HIPK3: variants seen among roughly 807,000 people sequenced by gnomAD.
The protein encoded by HIPK3 is homeodomain-interacting protein kinase 3.
In HIPK3, 47 loss-of-function variants were observed where a neutral mutation model predicts 124.2. The observed-to-expected ratio is 0.38, with a 90% CI of 0.30 to 0.48. The LOEUF (loss-of-function observed/expected upper bound fraction) is 0.48. Ranked by LOEUF, HIPK3 falls within the 20% of genes least tolerant of loss-of-function variation. The pLI is 0.98. For missense variants in HIPK3, 1,286 were observed against 1,454.3 expected, an observed-to-expected ratio of 0.88 and a Z score of 1.88; for synonymous variants, 482 against 515.2, an observed-to-expected ratio of 0.94 and a Z score of 0.87.
At chr11:33,289,554 A>C (rs1035821010) in intron 2 of HIPK3, among the ~76,000 whole-genome samples, 1 of 152,120 alleles carries the variant, frequency 6.6e-6, no homozygotes, top group Non-Finnish European at 1.5e-5. Context: ...AGGTATATAT[A>C]TTTATGAGGT....
chr11:33,310,281 T>TTATCTATCTAACTATCTATC (rs1852292080), intron 2 of HIPK3, among the ~76,000 whole-genome samples: 1 of 121,074 alleles, frequency 8.3e-6, no homozygotes, highest in Non-Finnish European at 1.8e-5. Context: ...TCTGTCTATC[T>TTATCTATCTAACTATCTATC]TATCTATCTA....
chr11:33,347,165 G>A (rs1331816334), intron 8 of HIPK3, 128 bp from the exon 9 acceptor site: 11 of 779,186 alleles, frequency 1.4e-5, no homozygotes. Flanking sequence ...GGGCAACAGA[G>A]CGAGGCCCTG....
intron 1 of HIPK3, among the ~76,000 whole-genome samples, chr11:33,267,356 G>A (rs1590338650): frequency 6.6e-6 from 1 of 151,990 alleles, no homozygotes; most frequent in Non-Finnish European, 1.5e-5. Flanking sequence ...CAGGTGATCC[G>A]CCCACCTTTG....
intron 14 of HIPK3, among the ~76,000 whole-genome samples, chr11:33,351,399 C>G (rs1853653013): frequency 6.6e-6 from 1 of 151,288 alleles, no homozygotes; most frequent in Non-Finnish European, 1.5e-5. Context: ...TGAAATGGAA[C>G]AGAATTAGGT....
intron 1 of HIPK3, among the ~76,000 whole-genome samples, chr11:33,275,205 A>G (rs1851239893): frequency 6.6e-6 from 1 of 152,000 alleles, no homozygotes; most frequent in South Asian, 2.1e-4. Context: ...ATGCCTAGCT[A>G]ATTTTTGTAT....
chr11:33,267,458 C>G (rs183410586), intron 1 of HIPK3, among the ~76,000 whole-genome samples: 1 of 150,504 alleles, frequency 6.6e-6, no homozygotes, highest in Admixed American at 6.7e-5. Flanking sequence ...CTAGCTGTAA[C>G]TTACTTGAAA....
intron 2 of HIPK3, among the ~76,000 whole-genome samples, chr11:33,317,271 C>A (rs946342828): frequency 4.9e-5 from 5 of 101,278 alleles, no homozygotes; most frequent in Admixed American, 2.3e-4. Flanking sequence ...TGTGCCTGGC[C>A]CTATTTTTTT....
intron 2 of HIPK3, among the ~76,000 whole-genome samples, chr11:33,318,451 A>G (rs946235281): frequency 6.6e-6 from 1 of 152,180 alleles, no homozygotes; most frequent in African/African-American, 2.4e-5. Context: ...TTGAGTTCTA[A>G]CTATACCTCT....
intron 3 of HIPK3, among the ~76,000 whole-genome samples, chr11:33,331,384 A>AT (rs34571261): frequency 2.0e-5 from 3 of 151,258 alleles, no homozygotes; most frequent in African/African-American, 2.4e-5. Context: ...GGGAGTTGGT[A>AT]TTTTTTTTAG....
intron 1 of HIPK3, among the ~76,000 whole-genome samples, chr11:33,276,460 C>CT (rs911708935): frequency 2.6e-5 from 4 of 152,004 alleles, no homozygotes; most frequent in Admixed American, 2.0e-4. Context: ...TATGAAATAA[C>CT]TTTTGGATAT....
chr11:33,267,335 A>T (rs1850995219), intron 1 of HIPK3, among the ~76,000 whole-genome samples: 1 of 150,434 alleles, frequency 6.6e-6, no homozygotes, highest in Non-Finnish European at 1.5e-5. Context: ...CTGGTTTGGA[A>T]CTCCTGACCT....
At position 33,278,895 on chromosome 11, in the gene HIPK3, C is replaced by T. The variant is rs759639427; in HGVS notation, c.-2-7518C>T. 9.9e-5 allele frequency among the ~76,000 whole-genome samples: 15 copies of T among 151,610 alleles called. No homozygotes were observed. The East Asian group carries it at 1.2e-3, about 12-fold the overall frequency. Reference sequence around the variant, plus strand: ...GATAGTAAATTTTATTTATTTTTACCGCAATTTTTAAAAAGGAAAAGATTT... The same window carrying T: ...GATAGTAAATTTTATTTATTTTTACTGCAATTTTTAAAAAGGAAAAGATTT... On this transcript the variant is annotated intron_variant, in intron 1 of 16. Transcript: ENST00000303296.
chr11:33,353,597 T>C lies in HIPK3; in HGVS notation c.*29T>C. 7.5e-7 allele frequency: 1 copy of C among 1,335,056 alleles called. No individual in the cohort carries two copies. The highest frequency in any genetic ancestry group is 1.2e-5 in the South Asian group (1 of 83,012). 82.7% of individuals were successfully genotyped at this position (1,335,056 alleles called of 1,614,324 possible). A position where few individuals can be genotyped will look rare whatever the true frequency, so the allele number is the denominator to read the frequency against. ...ACAGTATATTGGGGAAGCTCAATGA[T>C]ACAAACATTTGATTAAAAATAAAAA... On this transcript the variant is annotated 3_prime_UTR_variant, in exon 17 of 17. Coordinates refer to ENST00000303296, the MANE Select transcript of HIPK3 (RefSeq NM_005734.5).
chr11:33,314,890 G>A (rs1216603009), intron 2 of HIPK3, among the ~76,000 whole-genome samples: 1 of 152,066 alleles, frequency 6.6e-6, no homozygotes, highest in Non-Finnish European at 1.5e-5. Context: ...ATAAATTTAA[G>A]ACATAATTGG....
chr11:33,298,954 C>T (rs761320825), intron 2 of HIPK3, among the ~76,000 whole-genome samples: 17 of 152,046 alleles, frequency 1.1e-4, no homozygotes, highest in Non-Finnish European at 2.1e-4. Flanking sequence ...TCAGGCAATT[C>T]TCCTGCCTCA....
At chr11:33,342,514 CAG>C (rs1357349823) in intron 8 of HIPK3, among the ~76,000 whole-genome samples, 2 of 150,840 alleles carry the variant, frequency 1.3e-5, no homozygotes, top group East Asian at 3.9e-4. Flanking sequence ...GAATGGGTGA[CAG>C]AATACCTTTG....
chr11:33,262,826 T>C (rs1217887332), intron 1 of HIPK3, among the ~76,000 whole-genome samples: 1 of 152,174 alleles, frequency 6.6e-6, no homozygotes, highest in Non-Finnish European at 1.5e-5. Context: ...GTATTTATTT[T>C]TTTCATTTAC....
intron 1 of HIPK3, among the ~76,000 whole-genome samples, chr11:33,263,779 C>T (rs1850885986): frequency 6.6e-6 from 1 of 152,152 alleles, no homozygotes; most frequent in Admixed American, 6.5e-5. Flanking sequence ...ATCCCTCCCC[C>T]AACCCCTTCC....
chr11:33,315,537 T>C lies in HIPK3; in HGVS notation c.1098-12973T>C, dbSNP rs192593157. ...ACTGCGCCTGGCCTTAGCTAAGTTA[T>C]TTATTTGTAGAGACAAGGTCTTGCT... On this transcript the variant is annotated intron_variant, in intron 2 of 16. Coordinates refer to ENST00000303296, the MANE Select transcript of HIPK3 (RefSeq NM_005734.5). Among the ~76,000 whole-genome samples, 10 of 152,262 alleles carry C rather than the reference T, an allele frequency of 6.6e-5. No individual in the cohort carries two copies. The East Asian group carries it at 1.7e-3, about 26-fold the overall frequency.
Sources: allele counts gnomAD v4.1 joint callset (sites outside exome capture counted in the v4.1 genomes callset), GRCh38; gene constraint gnomAD v4.1.1; transcripts MANE v1.5; gene names NCBI Gene and HGNC (gene_info 2026-07-23, HGNC 2026-07-21).